PHF24: variants seen among roughly 807,000 people sequenced by gnomAD.
The protein encoded by PHF24 is PHD finger protein 24, also known as Galpha inhibitory interacting protein.
Under a neutral mutation model 42.6 loss-of-function variants are expected in PHF24, and 25 were observed. The ratio of observed to expected loss-of-function variants is 0.59; its 90% confidence interval spans 0.43 to 0.82. The LOEUF (loss-of-function observed/expected upper bound fraction) is 0.82, where lower values mean the gene tolerates loss of function less well. PHF24 is among the 40% of genes least tolerant of loss of function. The pLI is 0.00. For missense variants in PHF24, 470 were observed against 538.1 expected (o/e 0.87, Z 1.25); for synonymous variants, 185 against 204.8 (o/e 0.90, Z 0.83).
chr9:34,905,411 T>C, the PHF24 span, among the ~76,000 whole-genome samples: 5 of 152,314 alleles, frequency 3.3e-5, no homozygotes, highest in African/African-American at 1.2e-4. Flanking sequence ...TAAAACACTG[T>C]AGGGGATATA....
chr9:34,783,177 C>A, the PHF24 span, among the ~76,000 whole-genome samples: 1 of 152,142 alleles, frequency 6.6e-6, no homozygotes, highest in East Asian at 1.9e-4. Flanking sequence ...GAACTTAAAT[C>A]CTGACAGTGA....
chr9:34,771,441 A>G, the PHF24 span, among the ~76,000 whole-genome samples: 1 of 152,240 alleles, frequency 6.6e-6, no homozygotes, highest in Non-Finnish European at 1.5e-5. Flanking sequence ...ACCATTGTGT[A>G]TGCAGTCCAT....
At chr9:34,906,320 A>T in the PHF24 span, among the ~76,000 whole-genome samples, 2 of 152,184 alleles carry the variant, frequency 1.3e-5, no homozygotes, top group Non-Finnish European at 2.9e-5. Flanking sequence ...AAATCAGTAC[A>T]TGAAGGGTAT....
the PHF24 span, among the ~76,000 whole-genome samples, chr9:34,819,837 A>C: frequency 1.3e-5 from 2 of 152,164 alleles, no homozygotes; most frequent in African/African-American, 4.8e-5. Context: ...GTATTGTTCA[A>C]ATCTTCTGTA....
chr9:34,799,208 CT>C, the PHF24 span, among the ~76,000 whole-genome samples: 11 of 152,140 alleles, frequency 7.2e-5, no homozygotes, highest in African/African-American at 2.7e-4. Flanking sequence ...ACAGAGAAGA[CT>C]TCCAGAAGGG....
At chr9:34,872,751 T>G in the PHF24 span, among the ~76,000 whole-genome samples, 1 of 149,842 alleles carries the variant, frequency 6.7e-6, no homozygotes, top group African/African-American at 2.5e-5. Flanking sequence ...CAAATGGTAT[T>G]TCCAGTTCTA....
the PHF24 span, among the ~76,000 whole-genome samples, chr9:34,864,268 G>A: frequency 6.6e-6 from 1 of 152,324 alleles, no homozygotes; most frequent in East Asian, 1.9e-4. Context: ...CCCAAACCTA[G>A]AGAAGGATAT....
At chr9:34,867,937 C>T in the PHF24 span, among the ~76,000 whole-genome samples, 1 of 152,302 alleles carries the variant, frequency 6.6e-6, no homozygotes, top group Non-Finnish European at 1.5e-5. Context: ...AAGCTTCCTA[C>T]TTGTGCCCCG....
chr9:34,886,920 C>T, the PHF24 span, among the ~76,000 whole-genome samples: 1 of 151,906 alleles, frequency 6.6e-6, no homozygotes, highest in Admixed American at 6.6e-5. Flanking sequence ...GCTCAAATGC[C>T]CAAATTGTCT....
At chr9:34,701,651 G>A in the PHF24 span, among the ~76,000 whole-genome samples, 1 of 152,050 alleles carries the variant, frequency 6.6e-6, no homozygotes, top group African/African-American at 2.4e-5. This position sits in a 1 kb window ranked among gnomAD's most constrained non-coding sequence, Gnocchi z 5.8. Flanking sequence ...CGCGCGGGCC[G>A]GGCGTATGGA....
the PHF24 span, among the ~76,000 whole-genome samples, chr9:34,705,597 C>T: frequency 4.6e-5 from 7 of 152,186 alleles, no homozygotes; most frequent in African/African-American, 9.7e-5. Context: ...TATGCCTTTA[C>T]ACGCATACAT....
At chr9:34,834,813 T>A in the PHF24 span, 3 of 1,541,324 alleles carry the variant, frequency 1.9e-6, no homozygotes, top group African/African-American at 4.5e-5. Flanking sequence ...GACACCCAAT[T>A]TGGCGAAAGT....
intron 1 of PHF24, among the ~76,000 whole-genome samples, chr9:34,964,012 G>C (rs1220286742): frequency 6.6e-6 from 1 of 152,210 alleles, no homozygotes; most frequent in Non-Finnish European, 1.5e-5. Flanking sequence ...GCTTAATGGA[G>C]ATGATCAAAC....
At chr9:34,802,753 T>C in the PHF24 span, among the ~76,000 whole-genome samples, 1 of 152,218 alleles carries the variant, frequency 6.6e-6, no homozygotes, top group Non-Finnish European at 1.5e-5. Flanking sequence ...ATCCTTTCCA[T>C]TGTAGTATCT....
the PHF24 span, among the ~76,000 whole-genome samples, chr9:34,876,731 T>G: frequency 6.6e-6 from 1 of 152,190 alleles, no homozygotes; most frequent in African/African-American, 2.4e-5. Context: ...GGTGCATTGC[T>G]GGTGGGAATG....
At chr9:34,760,677 T>C in the PHF24 span, among the ~76,000 whole-genome samples, 3 of 152,108 alleles carry the variant, frequency 2.0e-5, no homozygotes. Flanking sequence ...ATACTCCTAG[T>C]CCTGCGACGT....
chr9:34,956,899 A>G (rs1826387929), upstream of PHF24, among the ~76,000 whole-genome samples: 1 of 152,226 alleles, frequency 6.6e-6, no homozygotes, highest in Non-Finnish European at 1.5e-5. Context: ...CTCCTTTCTC[A>G]GTGGCAGGAC....
chr9:34,860,332 T>TAGAAG, the PHF24 span, among the ~76,000 whole-genome samples: 1 of 152,236 alleles, frequency 6.6e-6, no homozygotes, highest in African/African-American at 2.4e-5. Context: ...GTGGGAGTCG[T>TAGAAG]AGAAGAGTTG....
At chr9:34,965,460 C>T (rs915804798) in intron 1 of PHF24, among the ~76,000 whole-genome samples, 2 of 152,224 alleles carry the variant, frequency 1.3e-5, no homozygotes, top group Admixed American at 6.5e-5. Context: ...TGAACCATCT[C>T]AGCTAAAAGG....
Sources: allele counts gnomAD v4.1 joint callset (sites outside exome capture counted in the v4.1 genomes callset), GRCh38; gene constraint gnomAD v4.1.1; non-coding constraint Gnocchi (gnomAD v3.1); transcripts MANE v1.5; gene names NCBI Gene and HGNC (gene_info 2026-07-23, HGNC 2026-07-21).